The following SORCS1 variants were observed in gnomAD, a reference collection of about 807,000 sequenced individuals.
The protein encoded by SORCS1 is VPS10 domain-containing receptor SorCS1.
In SORCS1, 60 loss-of-function variants were observed where a neutral mutation model predicts 146.1. That is an observed-to-expected ratio of 0.41 (90% confidence interval 0.33 to 0.51). The LOEUF (loss-of-function observed/expected upper bound fraction) is 0.51, where lower values mean the gene tolerates loss of function less well. Ranked by LOEUF, SORCS1 falls within the 20% of genes least tolerant of loss-of-function variation. SORCS1 has a pLI of 0.21. For missense variants in SORCS1, 1,352 were observed against 1,487.6 expected (o/e 0.91, Z 1.50); for synonymous variants, 637 against 584.0 (o/e 1.09, Z -1.31).
At chr10:106,895,720 T>C (rs1216380404) in intron 2 of SORCS1, among the ~76,000 whole-genome samples, 2 of 152,168 alleles carry the variant, frequency 1.3e-5, no homozygotes, top group African/African-American at 4.8e-5. Context: ...TGGAAAATGG[T>C]ATGGAGGTTC....
intron 1 of SORCS1, among the ~76,000 whole-genome samples, chr10:107,032,035 G>C (rs1958678836): frequency 6.6e-6 from 1 of 152,088 alleles, no homozygotes; most frequent in Non-Finnish European, 1.5e-5. Flanking sequence ...AGTGCCCATA[G>C]GACTCAGTGG....
chr10:106,708,920 G>C (rs992928586), intron 7 of SORCS1, among the ~76,000 whole-genome samples: 3 of 152,128 alleles, frequency 2.0e-5, no homozygotes, highest in Non-Finnish European at 4.4e-5. Context: ...GGGACAGATC[G>C]TACTGTGCAT....
chr10:107,024,529 C>A (rs965314976), intron 1 of SORCS1, among the ~76,000 whole-genome samples: 1 of 152,158 alleles, frequency 6.6e-6, no homozygotes, highest in Non-Finnish European at 1.5e-5. Flanking sequence ...AACTGCGGCA[C>A]TGGAATTTGG....
intron 3 of SORCS1, among the ~76,000 whole-genome samples, chr10:106,794,505 T>C (rs1216791066): frequency 4.1e-5 from 6 of 146,814 alleles, no homozygotes; most frequent in South Asian, 4.3e-4. Context: ...CTTTTTCTTT[T>C]TTTTTTTTTT....
At chr10:106,802,106 T>C (rs893712056) in intron 3 of SORCS1, among the ~76,000 whole-genome samples, 1 of 152,192 alleles carries the variant, frequency 6.6e-6, no homozygotes, top group Admixed American at 6.5e-5. Flanking sequence ...CTTTACCAAG[T>C]ACATGTCATA....
At chr10:106,983,008 T>C (rs12247394) in intron 1 of SORCS1, among the ~76,000 whole-genome samples, 7,629 of 151,836 alleles carry the variant, frequency 0.05, 570 homozygotes, top group African/African-American at 0.17. Context: ...ATGAATGATA[T>C]ACCAAAGGTG....
At chr10:106,932,885 A>G (rs917961381) in intron 2 of SORCS1, among the ~76,000 whole-genome samples, 1 of 152,220 alleles carries the variant, frequency 6.6e-6, no homozygotes, top group African/African-American at 2.4e-5. Flanking sequence ...ATGATTATCA[A>G]TAGCTGTGAT....
chr10:106,931,451 G>A (rs1177937358), intron 2 of SORCS1, among the ~76,000 whole-genome samples: 3 of 152,192 alleles, frequency 2.0e-5, no homozygotes, highest in Admixed American at 1.3e-4. Context: ...GCATGGAAGC[G>A]GGTGGGGAAA....
intron 2 of SORCS1, among the ~76,000 whole-genome samples, chr10:106,850,827 C>T (rs1394437012): frequency 6.6e-6 from 1 of 152,162 alleles, no homozygotes; most frequent in African/African-American, 2.4e-5. Context: ...GTCATTTCCA[C>T]CCTGCCCTCA....
intron 2 of SORCS1, among the ~76,000 whole-genome samples, chr10:106,877,665 T>C (rs535546844): frequency 1.0e-3 from 156 of 152,294 alleles, no homozygotes; most frequent in African/African-American, 3.5e-3. Flanking sequence ...GATTAGAATC[T>C]GGGAATATGC....
At chr10:106,593,992 C>T (rs1845762285) in intron 24 of SORCS1, among the ~76,000 whole-genome samples, 1 of 152,158 alleles carries the variant, frequency 6.6e-6, no homozygotes, top group Non-Finnish European at 1.5e-5. Flanking sequence ...CCCAACTTTG[C>T]ATTATTTTTT....
intron 24 of SORCS1, among the ~76,000 whole-genome samples, chr10:106,582,430 A>C (rs1844978143): frequency 6.6e-6 from 1 of 152,172 alleles, no homozygotes; most frequent in African/African-American, 2.4e-5. Flanking sequence ...GTGGCCAGAG[A>C]CTGACTACCA....
chr10:106,722,453 A>G (rs1185939733), intron 6 of SORCS1, among the ~76,000 whole-genome samples: 2 of 152,298 alleles, frequency 1.3e-5, no homozygotes, highest in Non-Finnish European at 2.9e-5. Flanking sequence ...AGTGGGATGC[A>G]TAGTTATATA....
intron 9 of SORCS1, 74 bp from the exon 10 acceptor site, chr10:106,688,412 A>C (rs2135637590): frequency 2.6e-6 from 4 of 1,526,450 alleles, no homozygotes; most frequent in South Asian, 2.6e-5. Context: ...TTAAAAAAAG[A>C]AGGCTGTCAA....
the SORCS1 span, among the ~76,000 whole-genome samples, chr10:107,179,904 C>CT: frequency 0.25 from 13,041 of 51,224 alleles, 5,007 homozygotes; most frequent in Non-Finnish European, 0.33. Flanking sequence ...ACAAAACAGA[C>CT]TTTTTTTTTT....
Position 107,072,789 on chromosome 10 carries a change from T to C in SORCS1, c.558+91180A>G, listed in dbSNP as rs563382913. ...CACCGAGATAACAAGACTGGGAATG[T>C]TTGAATAATTGCCCAGAAACTAAAC... On this transcript the variant is annotated intron_variant, in intron 1 of 25. Coordinates refer to ENST00000263054, the MANE Select transcript of SORCS1 (RefSeq NM_052918.5). 2.0e-5 allele frequency among the ~76,000 whole-genome samples: 3 copies of C among 149,100 alleles called. No homozygotes were observed. In the Admixed American group the frequency reaches 2.0e-4, roughly 10 times the overall value.
intron 2 of SORCS1, among the ~76,000 whole-genome samples, chr10:106,836,240 C>T (rs756925593): frequency 6.6e-6 from 1 of 151,550 alleles, no homozygotes; most frequent in Non-Finnish European, 1.5e-5. Flanking sequence ...TTTGGGAGGC[C>T]GAGGCGGGCA....
At chr10:106,620,379 G>A (rs754367726) in intron 20 of SORCS1, 49 bp downstream of exon 20, 1 of 1,578,554 alleles carries the variant, frequency 6.3e-7, no homozygotes, top group Non-Finnish European at 8.6e-7. Context: ...GCTTCAGGCA[G>A]CGTGAATTGA....
chr10:107,110,548 C>T (rs903353666), intron 1 of SORCS1, among the ~76,000 whole-genome samples: 1 of 151,984 alleles, frequency 6.6e-6, no homozygotes, highest in South Asian at 2.1e-4. Context: ...CTCATGAGAA[C>T]TCACTCATTA....
Sources: gnomAD v4.1 joint callset for allele counts (sites outside exome capture counted in the v4.1 genomes callset) on GRCh38, gnomAD v4.1.1 for gene constraint, MANE v1.5 for transcripts, NCBI Gene and HGNC (gene_info 2026-07-23, HGNC 2026-07-21) for gene names.